ERC1: variants seen among roughly 807,000 people sequenced by gnomAD.
ERC1 encodes the protein ELKS/RAB6-interacting/CAST family member 1.
A neutral mutation model predicts 132.0 loss-of-function variants in ERC1; 56 were observed. The ratio of observed to expected loss-of-function variants is 0.42; its 90% CI spans 0.34 to 0.53. The LOEUF (loss-of-function observed/expected upper bound fraction) is 0.53. Ranked by LOEUF, ERC1 falls within the 20% of genes least tolerant of loss-of-function variation. The pLI is 0.03. For synonymous variants in ERC1, 478 were observed against 476.1 expected (o/e 1.00, Z -0.05); for missense variants, 1,202 against 1,349.9 (o/e 0.89, Z 1.72).
chr12:1,041,828 TAGAG>T, intron 2 of ERC1, among the ~76,000 whole-genome samples: 1 of 152,306 alleles, frequency 6.6e-6, no homozygotes, highest in African/African-American at 2.4e-5. Flanking sequence ...TCTTGACCCT[TAGAG>T]AGGTTCTTTG....
chr12:1,091,646 T>G (rs1415579723), intron 3 of ERC1, among the ~76,000 whole-genome samples: 2 of 152,242 alleles, frequency 1.3e-5, no homozygotes, highest in Non-Finnish European at 2.9e-5. Flanking sequence ...CCTGCCTTTA[T>G]GATCCTTGCA....
chr12:1,386,316 C>T (rs374448759), intron 16 of ERC1, among the ~76,000 whole-genome samples: 5 of 151,082 alleles, frequency 3.3e-5, no homozygotes, highest in African/African-American at 1.2e-4. Flanking sequence ...GGATTACAGG[C>T]GCAAACCACT....
At chr12:1,006,374 T>C (rs1388559861) in intron 1 of ERC1, among the ~76,000 whole-genome samples, 4 of 152,150 alleles carry the variant, frequency 2.6e-5, no homozygotes, top group Non-Finnish European at 5.9e-5. Context: ...GCTGGGACTG[T>C]AGGCATGCGC....
At chr12:1,183,608 A>C (rs1054174370) in intron 11 of ERC1, among the ~76,000 whole-genome samples, 187 bp downstream of exon 11, 2 of 152,194 alleles carry the variant, frequency 1.3e-5, no homozygotes, top group Non-Finnish European at 2.9e-5. Context: ...GATAATCCCC[A>C]AATCTTTAAA....
chr12:1,229,153 G>A (rs1259246223), intron 12 of ERC1, among the ~76,000 whole-genome samples: 1 of 152,142 alleles, frequency 6.6e-6, no homozygotes, highest in East Asian at 1.9e-4. Context: ...GCTTTTCTTT[G>A]TTGGGAGGTT....
chr12:1,455,653 G>A (rs150323670), intron 18 of ERC1, among the ~76,000 whole-genome samples: 6 of 152,324 alleles, frequency 3.9e-5, no homozygotes, highest in African/African-American at 1.4e-4. Context: ...TCTACTCAGG[G>A]AGTTGCGTTA....
intron 18 of ERC1, among the ~76,000 whole-genome samples, chr12:1,455,012 T>C (rs7967771): frequency 0.11 from 16,527 of 152,218 alleles, 3,034 homozygotes; most frequent in African/African-American, 0.37. Context: ...ATTGAGGTAA[T>C]GTCAAGGTGG....
intron 7 of ERC1, among the ~76,000 whole-genome samples, chr12:1,121,243 C>T (rs560499460): frequency 9.9e-5 from 15 of 152,206 alleles, no homozygotes; most frequent in Non-Finnish European, 1.8e-4. Flanking sequence ...TTGATCATAA[C>T]GCTGCAATTC....
At chr12:1,430,072 G>C (rs780034747) in intron 17 of ERC1, among the ~76,000 whole-genome samples, 2 of 152,172 alleles carry the variant, frequency 1.3e-5, no homozygotes, top group African/African-American at 2.4e-5. Context: ...GCCAATTCCA[G>C]GATTGCTCAC....
chr12:1,319,954 A>G lies in ERC1; in HGVS notation c.2780+29942A>G, dbSNP rs533425026. Among the ~76,000 whole-genome samples, 920 of 152,220 alleles carry G rather than the reference A, an allele frequency of 6.0e-3. 15 individuals carry two copies. Among genetic ancestry groups the G allele is most frequent in the African/African-American group, 0.021 (874 of 41,542 alleles). ...ATTTTTACCTTTTTTCTGATTTTAT[A>G]TATACAATGTTAGATATATTGTTCT... On this transcript the variant is annotated intron_variant, in intron 15 of 18. Coordinates refer to ENST00000360905, the MANE Select transcript of ERC1 (RefSeq NM_178040.4).
chr12:1,434,378 G>A (rs1029773795), intron 17 of ERC1, among the ~76,000 whole-genome samples: 2 of 152,048 alleles, frequency 1.3e-5, no homozygotes, highest in Non-Finnish European at 2.9e-5. Context: ...TTTACTATCA[G>A]TCACTTTACA....
At chr12:1,041,560 G>A (rs1447743221) in intron 2 of ERC1, among the ~76,000 whole-genome samples, 1 of 152,198 alleles carries the variant, frequency 6.6e-6, no homozygotes, top group Admixed American at 6.5e-5. Flanking sequence ...AAGGCCTTAT[G>A]TGGGTCTTCT....
At chr12:1,173,042 G>A (rs1953253884) in intron 8 of ERC1, among the ~76,000 whole-genome samples, 1 of 152,120 alleles carries the variant, frequency 6.6e-6, no homozygotes, top group East Asian at 1.9e-4. Context: ...CTCATTCTTT[G>A]GGGGTTCGTT....
chr12:1,000,487 GAAAA>G (rs10716503), intron 1 of ERC1, among the ~76,000 whole-genome samples: 1 of 130,690 alleles, frequency 7.7e-6, no homozygotes. Flanking sequence ...CCCTGTCTCA[GAAAA>G]AAAAAAAAAA....
intron 11 of ERC1, among the ~76,000 whole-genome samples, chr12:1,184,770 A>G (rs1465422628): frequency 1.3e-5 from 2 of 152,120 alleles, no homozygotes; most frequent in Non-Finnish European, 2.9e-5. Flanking sequence ...TTTGTTTTTT[A>G]GAGACAGGGT....
intron 12 of ERC1, among the ~76,000 whole-genome samples, chr12:1,227,384 C>T (rs1385263646): frequency 1.3e-5 from 2 of 152,102 alleles, no homozygotes; most frequent in African/African-American, 2.4e-5. Context: ...TGATGTTGAG[C>T]GTATTTTCAC....
intron 14 of ERC1, among the ~76,000 whole-genome samples, chr12:1,268,477 A>T (rs2077609991): frequency 6.6e-6 from 1 of 152,204 alleles, no homozygotes. Flanking sequence ...ACTTACAATT[A>T]TGGTTCTGTT....
At chr12:1,255,621 C>CTTTTGTTTTTTTTTT (rs1566399460) in intron 13 of ERC1, among the ~76,000 whole-genome samples, 2 of 61,558 alleles carry the variant, frequency 3.2e-5, no homozygotes, top group African/African-American at 1.2e-4. Flanking sequence ...GCTTCCTGGC[C>CTTTTGTTTTTTTTTT]TTTTTTTTTT....
At chr12:1,204,189 C>G (rs115616138) in intron 12 of ERC1, 416 of 265,938 alleles carry the variant, frequency 1.6e-3, no homozygotes, top group African/African-American at 8.1e-3. Context: ...CTAACCTTCT[C>G]TATTTTTCTT....
Sources: allele counts gnomAD v4.1 joint callset (sites outside exome capture counted in the v4.1 genomes callset), GRCh38; gene constraint gnomAD v4.1.1; transcripts MANE v1.5; gene names NCBI Gene and HGNC (gene_info 2026-07-23, HGNC 2026-07-21).